Variants in MARK1 observed in about 807,000 individuals in gnomAD.
MARK1 encodes serine/threonine-protein kinase MARK1.
Under a neutral mutation model 96.3 loss-of-function variants are expected in MARK1, and 40 were observed. That is an observed-to-expected ratio of 0.42 (90% CI 0.32 to 0.54). The LOEUF is 0.54. Ranked by LOEUF, MARK1 falls within the 20% of genes least tolerant of loss-of-function variation. MARK1 has a pLI of 0.16. For synonymous variants in MARK1, 317 were observed against 341.2 expected, an observed-to-expected ratio of 0.93 and a Z score of 0.78; for missense variants, 719 against 984.6, an observed-to-expected ratio of 0.73 and a Z score of 3.61.
At chr1:220,601,674 C>A (rs1665757706) in intron 5 of MARK1, among the ~76,000 whole-genome samples, 1 of 152,162 alleles carries the variant, frequency 6.6e-6, no homozygotes, top group African/African-American at 2.4e-5. Context: ...TCTGTAGACA[C>A]CCTTCTCTTT....
chr1:220,563,681 TATC>T (rs1221302192), intron 1 of MARK1, among the ~76,000 whole-genome samples: 2 of 152,106 alleles, frequency 1.3e-5, no homozygotes, highest in African/African-American at 2.4e-5. Flanking sequence ...AAGAAGATAT[TATC>T]ATTCATTTTC....
intron 4 of MARK1, among the ~76,000 whole-genome samples, chr1:220,599,436 G>A (rs898813745): frequency 6.6e-6 from 1 of 151,928 alleles, no homozygotes; most frequent in African/African-American, 2.4e-5. Flanking sequence ...AGATTATTTA[G>A]CATTTTTTGA....
chr1:220,552,938 G>A (rs1402279969), intron 1 of MARK1, among the ~76,000 whole-genome samples: 4 of 152,138 alleles, frequency 2.6e-5, no homozygotes, highest in Admixed American at 2.6e-4. Flanking sequence ...TAGCCTTAGT[G>A]AATGTTCATC....
chr1:220,576,415 A>G (rs976149940), intron 1 of MARK1, among the ~76,000 whole-genome samples: 8 of 62,516 alleles, frequency 1.3e-4, no homozygotes, highest in Non-Finnish European at 3.3e-4. Context: ...AACTCATTTT[A>G]TTGGCCAAAA....
intron 13 of MARK1, among the ~76,000 whole-genome samples, chr1:220,645,165 C>G (rs1668510322): frequency 1.3e-5 from 2 of 151,744 alleles, no homozygotes; most frequent in Non-Finnish European, 2.9e-5. Context: ...TAAAACAGAC[C>G]ACTAGGTAGA....
intron 13 of MARK1, among the ~76,000 whole-genome samples, chr1:220,645,102 G>T (rs1668506804): frequency 6.6e-6 from 1 of 151,962 alleles, no homozygotes; most frequent in Non-Finnish European, 1.5e-5. Context: ...ATAGAGACAT[G>T]AAAAACTCTT....
At chr1:220,614,376 T>G (rs988077044) in intron 6 of MARK1, among the ~76,000 whole-genome samples, 5 of 152,092 alleles carry the variant, frequency 3.3e-5, no homozygotes, top group Non-Finnish European at 5.9e-5. Context: ...CTCCACATTT[T>G]AAAATATTTC....
chr1:220,610,247 T>C (rs895599610), intron 6 of MARK1, among the ~76,000 whole-genome samples: 1 of 152,194 alleles, frequency 6.6e-6, no homozygotes, highest in Non-Finnish European at 1.5e-5. Context: ...TTTGTTCATT[T>C]CTTTCTACTC....
intron 14 of MARK1, 82 bp downstream of exon 14, chr1:220,650,802 G>A: frequency 1.1e-6 from 1 of 926,260 alleles, no homozygotes; most frequent in Non-Finnish European, 1.7e-6. Flanking sequence ...CAGCCGAATG[G>A]GTCAGGAGAA....
At position 220,528,587 on chromosome 1, in the gene MARK1, C is replaced by G. The variant is rs960323489; in HGVS notation, c.-236C>G. The G allele has an allele frequency of 1.3e-5, 6 of 479,092 alleles. No homozygotes were observed. The highest frequency in any genetic ancestry group is 2.2e-5 in the Non-Finnish European group (6 of 272,994). The allele number at this position is 479,092 out of a possible 1,614,324, so 29.7% of individuals were successfully genotyped here. On this transcript the variant is annotated 5_prime_UTR_variant, in exon 1 of 18. Transcript: ENST00000366917. ...AACCGCCTCGCCCGAAGCCCTCCCT[C>G]GTTACTGTCCGCATACCCCGGCGGC...
At chr1:220,536,051 A>T (rs182509438) in intron 1 of MARK1, among the ~76,000 whole-genome samples, 1 of 152,176 alleles carries the variant, frequency 6.6e-6, no homozygotes, top group East Asian at 1.9e-4. Flanking sequence ...AAATGCCATT[A>T]GGTTAGTTCT....
At chr1:220,563,961 C>T (rs571199141) in intron 1 of MARK1, among the ~76,000 whole-genome samples, 1 of 152,266 alleles carries the variant, frequency 6.6e-6, no homozygotes, top group East Asian at 1.9e-4. Flanking sequence ...CTTTATTGTG[C>T]TGTCTTCCTT....
chr1:220,534,663 A>G (rs1165781874), intron 1 of MARK1, among the ~76,000 whole-genome samples: 1 of 152,120 alleles, frequency 6.6e-6, no homozygotes, highest in Non-Finnish European at 1.5e-5. Context: ...GTACATATTG[A>G]ACAGCAACTC....
intron 16 of MARK1, 69 bp downstream of exon 16, chr1:220,653,421 A>C (rs2103059873): frequency 6.9e-7 from 1 of 1,449,724 alleles, no homozygotes; most frequent in East Asian, 2.5e-5. Flanking sequence ...CTTTTTAAAA[A>C]AATCTTTATA....
intron 9 of MARK1, chr1:220,627,632 G>C (rs1667426197): frequency 5.2e-6 from 1 of 193,412 alleles, no homozygotes; most frequent in African/African-American, 2.4e-5. Context: ...AACTCTTCTA[G>C]GAGCTGCCTT....
chr1:220,531,859 T>G (rs1415245196), intron 1 of MARK1, among the ~76,000 whole-genome samples: 7 of 152,166 alleles, frequency 4.6e-5, no homozygotes, highest in African/African-American at 1.7e-4. Flanking sequence ...CAAAATGTGT[T>G]TGATTTTAGA....
intron 1 of MARK1, among the ~76,000 whole-genome samples, chr1:220,534,246 T>C (rs1037658672): frequency 6.6e-6 from 1 of 152,146 alleles, no homozygotes; most frequent in African/African-American, 2.4e-5. Flanking sequence ...ATAATCAAAT[T>C]AAGGCAATTG....
intron 1 of MARK1, among the ~76,000 whole-genome samples, chr1:220,573,124 TTTTA>T (rs1415645990): frequency 1.3e-5 from 2 of 152,108 alleles, no homozygotes; most frequent in African/African-American, 2.4e-5. Flanking sequence ...CACTGGGTTT[TTTTA>T]TTTGTTTGTT....
chr1:220,652,984 G>C, intron 15 of MARK1, 117 bp from the exon 16 acceptor site: 1 of 1,189,746 alleles, frequency 8.4e-7, no homozygotes, highest in East Asian at 2.4e-5. Flanking sequence ...TCTCTAATGT[G>C]AACAAATAAA....
Sources: gnomAD v4.1 joint callset for allele counts (sites outside exome capture counted in the v4.1 genomes callset) on GRCh38, gnomAD v4.1.1 for gene constraint, MANE v1.5 for transcripts, NCBI Gene and HGNC (gene_info 2026-07-23, HGNC 2026-07-21) for gene names.